Variants in MYO1B observed in about 807,000 individuals in gnomAD.
MYO1B encodes the protein myosin IB.
Under a neutral mutation model 159.7 loss-of-function variants are expected in MYO1B, and 72 were observed. That is an observed-to-expected ratio of 0.45 (90% CI 0.37 to 0.55). The LOEUF (loss-of-function observed/expected upper bound fraction) is 0.55, where lower values mean the gene tolerates loss of function less well. MYO1B is among the 20% of genes least tolerant of loss of function. The probability of loss-of-function intolerance (pLI) is 0.00; values close to 1 mark genes in which losing one functional copy is unlikely to be tolerated. For missense variants in MYO1B, 1,062 were observed against 1,364.8 expected (o/e 0.78, Z 3.50); for synonymous variants, 468 against 473.8 (o/e 0.99, Z 0.16).
At chr2:191,354,554 T>A (rs1156596770) in intron 7 of MYO1B, among the ~76,000 whole-genome samples, 1 of 152,150 alleles carries the variant, frequency 6.6e-6, no homozygotes, top group Non-Finnish European at 1.5e-5. Context: ...CTGCTAATTA[T>A]GAATGGAGGC....
chr2:191,387,092 A>G lies in MYO1B; in HGVS notation c.1555-132A>G, dbSNP rs1408262332. The G allele has an allele frequency of 8.5e-6, 7 of 823,694 alleles. No individual in the cohort carries two copies. In the East Asian group the frequency reaches 1.5e-4, roughly 18 times the overall value. The allele number at this position is 823,694 out of a possible 1,614,324, so 51.0% of individuals were successfully genotyped here. On this transcript the variant is annotated intron_variant, in intron 16 of 30. Transcript: ENST00000392318. ...GAGGCGAACTCATTATGAGAGTGTGACTAACATGTCAGGGATTTTTTGATG... is the reference window on the plus strand; with the variant it reads ...GAGGCGAACTCATTATGAGAGTGTGGCTAACATGTCAGGGATTTTTTGATG...
At position 191,400,409 on chromosome 2, in the gene MYO1B, C is replaced by T; in HGVS notation, c.2323C>T (p.His775Tyr). ...TCGAAAAATTCTGCGGGAACTGAAG[C>T]ATCAAAAGCGCTGTAAGGAAGCAGT... Reference protein sequence around the residue: ...KARKILRELKHQKRCKEAVTT... With the variant: ...KARKILRELKYQKRCKEAVTT... Residue 775 changes from histidine to tyrosine, a missense_variant, in exon 22 of 31, where the codon CAT becomes TAT. His to Tyr is a moderately conservative substitution (Grantham distance 83). Transcript: ENST00000392318. 6.2e-7 allele frequency: 1 copy of T among 1,614,062 alleles called. No individual in the cohort carries two copies. The highest frequency in any genetic ancestry group is 8.5e-7 in the Non-Finnish European group (1 of 1,180,020).
intron 7 of MYO1B, among the ~76,000 whole-genome samples, chr2:191,351,439 T>C (rs1692917770): frequency 6.8e-6 from 1 of 148,138 alleles, no homozygotes; most frequent in African/African-American, 2.5e-5. Flanking sequence ...TTTAGTAATT[T>C]GGTCAAACTA....
chr2:191,253,684 G>A (rs546492642), intron 1 of MYO1B, among the ~76,000 whole-genome samples: 5 of 152,052 alleles, frequency 3.3e-5, no homozygotes, highest in South Asian at 4.2e-4. Context: ...CCATATTTGC[G>A]TCAGTTGACA....
Position 191,383,297 on chromosome 2 carries a change from C to A in MYO1B, c.1308C>A (p.His436Gln), listed in dbSNP as rs754316577. 7 of 1,577,520 alleles carry A rather than the reference C, an allele frequency of 4.4e-6. No individual in the cohort carries two copies. Among genetic ancestry groups the A allele is most frequent in the Non-Finnish European group, 6.0e-6 (7 of 1,163,998 alleles). ...TCTTTTAGGATATAGAATGGACTCA[C>A]ATTGACTACTTCAATAATGCTATCA... ...EYIREDIEWT[H>Q]IDYFNNAIIC... The change falls in exon 15 of 31, where the codon CAC (histidine) becomes CAA (glutamine). Residue 436 changes from histidine (H) to glutamine (Q), a missense_variant. By Grantham distance (24) the His-to-Gln change is conservative. This residue lies in a region of MYO1B where 415 missense variants were observed against 544.0 expected (regional missense o/e 0.76). Transcript: ENST00000392318.
At chr2:191,302,053 A>G (rs957493927) in intron 3 of MYO1B, among the ~76,000 whole-genome samples, 2 of 152,278 alleles carry the variant, frequency 1.3e-5, no homozygotes, top group Non-Finnish European at 2.9e-5. Context: ...AGCCAGAGCC[A>G]TTCATGTCTT....
intron 1 of MYO1B, among the ~76,000 whole-genome samples, chr2:191,274,853 G>A (rs755465905): frequency 1.3e-5 from 2 of 152,068 alleles, no homozygotes; most frequent in Non-Finnish European, 2.9e-5. Flanking sequence ...AATATACAGA[G>A]CAGTTCTTTG....
At chr2:191,408,589 T>C (rs1429001388) in intron 25 of MYO1B, among the ~76,000 whole-genome samples, 1 of 152,180 alleles carries the variant, frequency 6.6e-6, no homozygotes, top group African/African-American at 2.4e-5. Context: ...CCACATGGAC[T>C]CTGGAGTTCT....
chr2:191,331,865 G>T (rs528431969), intron 4 of MYO1B, among the ~76,000 whole-genome samples: 1 of 152,184 alleles, frequency 6.6e-6, no homozygotes, highest in Admixed American at 6.5e-5. Context: ...TGGTCCTGTT[G>T]TTCTGGAAAC....
chr2:191,349,773 A>T (rs1368891948), intron 6 of MYO1B, among the ~76,000 whole-genome samples: 2 of 152,246 alleles, frequency 1.3e-5, no homozygotes, highest in Non-Finnish European at 2.9e-5. Context: ...GCAATGGCTT[A>T]AAACATATTC....
intron 4 of MYO1B, among the ~76,000 whole-genome samples, chr2:191,331,321 C>T (rs1479483546): frequency 1.3e-5 from 2 of 151,630 alleles, no homozygotes; most frequent in Non-Finnish European, 2.9e-5. Flanking sequence ...GTGTAGGCTC[C>T]TCCACATGGG....
intron 13 of MYO1B, among the ~76,000 whole-genome samples, chr2:191,370,657 T>C (rs780247305): frequency 1.3e-5 from 2 of 152,214 alleles, no homozygotes; most frequent in East Asian, 1.9e-4. Flanking sequence ...ACAATGAGTA[T>C]GTCTGTGGCC....
chr2:191,399,589 C>T (rs1696476583), intron 21 of MYO1B, among the ~76,000 whole-genome samples: 1 of 152,166 alleles, frequency 6.6e-6, no homozygotes, highest in African/African-American at 2.4e-5. Context: ...TGTGAGGAGA[C>T]TTTGTGGTAT....
intron 6 of MYO1B, among the ~76,000 whole-genome samples, 185 bp from the exon 7 acceptor site, chr2:191,349,977 G>C (rs999628002): frequency 2.0e-5 from 3 of 152,078 alleles, no homozygotes; most frequent in Non-Finnish European, 1.5e-5. Flanking sequence ...GAACTAATGG[G>C]GTATTTAGTA....
chr2:191,273,177 G>A (rs1159782694), intron 1 of MYO1B, among the ~76,000 whole-genome samples: 2 of 152,084 alleles, frequency 1.3e-5, no homozygotes, highest in Non-Finnish European at 2.9e-5. Context: ...GGAGTGCAGT[G>A]GTGCAATCTC....
chr2:191,406,763 C>T lies in MYO1B; in HGVS notation c.2557-1352C>T, dbSNP rs564301622. On this transcript the variant is annotated intron_variant, in intron 24 of 30. Transcript: ENST00000392318. Reference sequence around the variant, plus strand: ...GCACATGCTGTTGGAAAAATGGTGCCAATAGGCTTGTTTGATGCAGGGTTG... The same window carrying T: ...GCACATGCTGTTGGAAAAATGGTGCTAATAGGCTTGTTTGATGCAGGGTTG... 5.9e-5 allele frequency among the ~76,000 whole-genome samples: 9 copies of T among 152,236 alleles called. No individual in the cohort carries two copies. The South Asian group carries it at 1.9e-3, about 32-fold the overall frequency.
chr2:191,355,451 A>C (rs1253276647), intron 7 of MYO1B, among the ~76,000 whole-genome samples: 2 of 152,248 alleles, frequency 1.3e-5, no homozygotes. Flanking sequence ...TAAAATAGGC[A>C]CAAGAATCAA....
chr2:191,295,772 G>T (rs934103815), intron 2 of MYO1B, among the ~76,000 whole-genome samples: 2 of 152,152 alleles, frequency 1.3e-5, no homozygotes, highest in Non-Finnish European at 2.9e-5. Flanking sequence ...GGAGAGCATG[G>T]CTCTTGCTTA....
chr2:191,353,811 G>C (rs1191038816), intron 7 of MYO1B, among the ~76,000 whole-genome samples: 1 of 152,220 alleles, frequency 6.6e-6, no homozygotes, highest in African/African-American at 2.4e-5. Context: ...TAAAGCACTT[G>C]TAATAGTGCC....
Sources: allele counts gnomAD v4.1 joint callset (sites outside exome capture counted in the v4.1 genomes callset), GRCh38; gene constraint gnomAD v4.1.1; regional missense constraint gnomAD v4.1.1; transcripts MANE v1.5; gene names NCBI Gene and HGNC (gene_info 2026-07-23, HGNC 2026-07-21).